Variants in SOX6 observed in about 807,000 individuals in gnomAD.
SOX6 encodes transcription factor SOX-6.
In SOX6, 11 loss-of-function variants were observed where a neutral mutation model predicts 97.8. The ratio of observed to expected loss-of-function variants is 0.11; its 90% CI spans 0.07 to 0.19. The LOEUF (loss-of-function observed/expected upper bound fraction) is 0.19, where lower values mean the gene tolerates loss of function less well. SOX6 is among the 10% of genes least tolerant of loss of function. SOX6 has a pLI of 1.00. For synonymous variants in SOX6, 360 were observed against 371.4 expected (o/e 0.97, Z 0.35); for missense variants, 810 against 1,039.5 (o/e 0.78, Z 3.04).
At chr11:16,678,098 T>C (rs1001922565) in intron 3 of SOX6, among the ~76,000 whole-genome samples, 2 of 152,156 alleles carry the variant, frequency 1.3e-5, no homozygotes, top group Non-Finnish European at 2.9e-5. Context: ...AAAGAACCAA[T>C]TTTGATTTCA....
chr11:16,529,556 TTTGTC>T (rs1861211763), intron 4 of SOX6, among the ~76,000 whole-genome samples: 1 of 152,114 alleles, frequency 6.6e-6, no homozygotes, highest in African/African-American at 2.4e-5. Context: ...AACCTTGACA[TTTGTC>T]CCCAAATGTT....
chr11:15,974,507 A>T (rs533623322), intron 15 of SOX6, among the ~76,000 whole-genome samples: 1 of 146,672 alleles, frequency 6.8e-6, no homozygotes, highest in South Asian at 2.2e-4. Flanking sequence ...GTCATCTAGC[A>T]TTAGGTATAT....
intron 4 of SOX6, among the ~76,000 whole-genome samples, chr11:16,553,660 G>A (rs78873293): frequency 1.3e-5 from 2 of 151,952 alleles, no homozygotes; most frequent in African/African-American, 2.4e-5. Flanking sequence ...TCTCCCTGTG[G>A]AGACCATACC....
intron 1 of SOX6, among the ~76,000 whole-genome samples, chr11:16,354,662 A>G (rs1224228235): frequency 1.3e-5 from 2 of 151,964 alleles, no homozygotes; most frequent in African/African-American, 4.8e-5. Flanking sequence ...TTGATTTTCA[A>G]CTAAAACGGT....
intron 1 of SOX6, among the ~76,000 whole-genome samples, chr11:16,386,432 C>G (rs1205780091): frequency 6.6e-6 from 1 of 151,992 alleles, no homozygotes; most frequent in Non-Finnish European, 1.5e-5. Context: ...ATTATTTCCC[C>G]ATAACCTACA....
At chr11:16,263,899 T>G (rs1227877257) in intron 3 of SOX6, among the ~76,000 whole-genome samples, 1 of 151,906 alleles carries the variant, frequency 6.6e-6, no homozygotes, top group Non-Finnish European at 1.5e-5. Flanking sequence ...CAGTACAATA[T>G]TTTTAGTACT....
chr11:16,592,659 A>G (rs1223839543), intron 4 of SOX6, among the ~76,000 whole-genome samples: 1 of 152,160 alleles, frequency 6.6e-6, no homozygotes, highest in Admixed American at 6.5e-5. Flanking sequence ...ATTAATAACT[A>G]TATAAGCATA....
At chr11:16,715,879 T>C (rs990715393) in intron 2 of SOX6, among the ~76,000 whole-genome samples, 2 of 152,036 alleles carry the variant, frequency 1.3e-5, no homozygotes, top group African/African-American at 4.8e-5. Context: ...TATCAAATGA[T>C]AGGTAGTAAG....
At chr11:16,429,068 T>C (rs1565142787) in intron 1 of SOX6, among the ~76,000 whole-genome samples, 2 of 152,064 alleles carry the variant, frequency 1.3e-5, no homozygotes, top group South Asian at 2.1e-4. Context: ...AACAATCATA[T>C]AAAAAAAGTT....
chr11:16,284,729 A>G (rs1854682089), intron 3 of SOX6, among the ~76,000 whole-genome samples: 1 of 151,966 alleles, frequency 6.6e-6, no homozygotes, highest in Non-Finnish European at 1.5e-5. Context: ...TGCAATAGAA[A>G]CCCACGTATG....
chr11:16,294,671 G>T (rs1028569658), intron 3 of SOX6, among the ~76,000 whole-genome samples: 1 of 151,976 alleles, frequency 6.6e-6, no homozygotes, highest in Non-Finnish European at 1.5e-5. Context: ...TTCCAAGATT[G>T]CATGCTTTGA....
At chr11:16,191,379 C>T (rs1285473390) in intron 4 of SOX6, among the ~76,000 whole-genome samples, 1 of 152,068 alleles carries the variant, frequency 6.6e-6, no homozygotes, top group African/African-American at 2.4e-5. Flanking sequence ...GAGCATTACT[C>T]GAGCCCAGGA....
rs543282502 is a variant in SOX6 at position 16,015,637 on chromosome 11, A to G, written c.1624-587T>C. Reference sequence around the variant, plus strand: ...ACTCCTAGCCAGCCATGGAGCCAGGAAAGTTAAATACCCCTGCTGCTTTAG... The same window carrying G: ...ACTCCTAGCCAGCCATGGAGCCAGGGAAGTTAAATACCCCTGCTGCTTTAG... On this transcript the variant is annotated intron_variant, in intron 12 of 15. Coordinates refer to ENST00000683767, the MANE Select transcript of SOX6 (RefSeq NM_001367873.1). Among the ~76,000 whole-genome samples the G allele has an allele frequency of 2.0e-5, 3 of 152,116 alleles. No homozygotes were observed. The East Asian group carries it at 5.8e-4, about 30-fold the overall frequency.
chr11:15,999,513 T>C (rs1854333998), intron 13 of SOX6, among the ~76,000 whole-genome samples: 1 of 152,088 alleles, frequency 6.6e-6, no homozygotes, highest in African/African-American at 2.4e-5. Context: ...TTGTAACTCT[T>C]AGTTTAAAAA....
At chr11:16,024,151 G>T (rs1855149894) in intron 12 of SOX6, among the ~76,000 whole-genome samples, 1 of 152,114 alleles carries the variant, frequency 6.6e-6, no homozygotes, top group South Asian at 2.1e-4. Context: ...GCACATGGAG[G>T]AAAGAGCATG....
rs933382874 is a variant in SOX6 at position 16,046,590 on chromosome 11, T to C, written c.1547A>G (p.Gln516Arg). The C allele has an allele frequency of 1.2e-6, 2 of 1,613,670 alleles. No homozygotes were observed. The highest frequency in any genetic ancestry group is 1.7e-6 in the Non-Finnish European group (2 of 1,179,824). Residue 516 changes from glutamine (Q) to arginine (R), a missense_variant, in exon 12 of 16, where the codon CAG becomes CGG. Physicochemically the swap from Gln to Arg is conservative, Grantham distance 43. This residue lies in a region of SOX6 where 120 missense variants were observed against 127.0 expected (regional missense o/e 0.94). Coordinates refer to ENST00000683767, the MANE Select transcript of SOX6 (RefSeq NM_001367873.1). ...CCCGTCAACACCATGTGGCTGTTGCTGCTGTTGCTCCCGCTGGATCTGCTC... is the reference window on the plus strand; with the variant it reads ...CCCGTCAACACCATGTGGCTGTTGCCGCTGTTGCTCCCGCTGGATCTGCTC... Reference protein sequence around the residue: ...MREQIQREQQQQQPHGVDGKL... With the variant: ...MREQIQREQQRQQPHGVDGKL...
intron 3 of SOX6, among the ~76,000 whole-genome samples, chr11:16,660,250 C>T (rs1847756357): frequency 6.6e-6 from 1 of 152,062 alleles, no homozygotes; most frequent in South Asian, 2.1e-4. Context: ...GCATTTAATG[C>T]TATAAATTGT....
At chr11:16,282,082 G>GA (rs1266753834) in intron 3 of SOX6, among the ~76,000 whole-genome samples, 3 of 149,104 alleles carry the variant, frequency 2.0e-5, no homozygotes, top group African/African-American at 4.9e-5. Flanking sequence ...CTAGATGCAA[G>GA]AAAAAAAATT....
intron 3 of SOX6, among the ~76,000 whole-genome samples, chr11:16,709,774 CAAGTT>C (rs1446861576): frequency 6.6e-6 from 1 of 152,150 alleles, no homozygotes; most frequent in African/African-American, 2.4e-5. Flanking sequence ...GCTATAACTT[CAAGTT>C]AAGTTCATTT....
Sources: allele counts gnomAD v4.1 joint callset (sites outside exome capture counted in the v4.1 genomes callset), GRCh38; gene constraint gnomAD v4.1.1; regional missense constraint gnomAD v4.1.1; transcripts MANE v1.5; gene names NCBI Gene and HGNC (gene_info 2026-07-23, HGNC 2026-07-21).